The following EGF variants were observed in gnomAD, a reference collection of about 807,000 sequenced individuals.
EGF encodes epidermal growth factor.
A neutral mutation model predicts 143.8 loss-of-function variants in EGF; 95 were observed. That is an observed-to-expected ratio of 0.66 (90% CI 0.56 to 0.78). EGF has a LOEUF of 0.78. Among genes scored for constraint, EGF ranks in the 30% least tolerant of loss-of-function variants. The pLI, the probability that EGF is intolerant of heterozygous loss-of-function variation, is 0.00. For synonymous variants in EGF, 510 were observed against 510.5 expected (o/e 1.00, Z 0.01); for missense variants, 1,320 against 1,470.9 (o/e 0.90, Z 1.68).
At position 109,976,050 on chromosome 4, in the gene EGF, T is replaced by C. The variant is rs1186078885; in HGVS notation, c.1868T>C (p.Ile623Thr). The change falls in exon 13 of 24, where the codon ATT (isoleucine) becomes ACT (threonine). Residue 623 changes from isoleucine (I) to threonine (T), a missense_variant. By Grantham distance (89) the Ile-to-Thr change is moderately conservative. This residue lies in a region of EGF where 1,186 missense variants were observed against 1,313.7 expected (regional missense o/e 0.90). Coordinates refer to ENST00000265171, the MANE Select transcript of EGF (RefSeq NM_001963.6). Reference sequence around the variant, plus strand: ...ACTGATACAGGGATTAATCCACGAATTGAAAGTTCTTCCCTCCAAGGCCTT... The same window carrying C: ...ACTGATACAGGGATTAATCCACGAACTGAAAGTTCTTCCCTCCAAGGCCTT... Reference protein sequence around the residue: ...FWTDTGINPRIESSSLQGLGR... With the variant: ...FWTDTGINPRTESSSLQGLGR... 6.2e-7 allele frequency: 1 copy of C among 1,613,994 alleles called. No individual in the cohort carries two copies. Among genetic ancestry groups the C allele is most frequent in the Non-Finnish European group, 8.5e-7 (1 of 1,179,860 alleles).
intron 1 of EGF, among the ~76,000 whole-genome samples, chr4:109,932,834 T>A (rs1306511429): frequency 6.6e-6 from 1 of 152,174 alleles, no homozygotes; most frequent in Admixed American, 6.6e-5. Context: ...TAAATCTAGA[T>A]GTCCATGGTA....
At chr4:109,932,965 C>G (rs1174687372) in intron 1 of EGF, among the ~76,000 whole-genome samples, 3 of 152,160 alleles carry the variant, frequency 2.0e-5, no homozygotes, top group Non-Finnish European at 2.9e-5. Flanking sequence ...TACCAATGTT[C>G]CAGTCCCTGG....
intron 2 of EGF, 94 bp downstream of exon 2, chr4:109,941,239 A>G (rs1579535708): frequency 6.8e-6 from 8 of 1,178,528 alleles, no homozygotes; most frequent in Non-Finnish European, 9.8e-6. Flanking sequence ...AATGAAAATT[A>G]TATAACAGTT....
intron 19 of EGF, among the ~76,000 whole-genome samples, chr4:109,994,191 C>T (rs1476528194): frequency 6.6e-6 from 1 of 152,130 alleles, no homozygotes; most frequent in East Asian, 1.9e-4. Context: ...TTGGCATGCC[C>T]TCTGTTACGG....
chr4:109,960,830 A>T (rs1357423856), intron 6 of EGF, 37 bp from the exon 7 acceptor site: 1 of 1,612,874 alleles, frequency 6.2e-7, no homozygotes, highest in Non-Finnish European at 8.5e-7. Flanking sequence ...TTTCAAAAAT[A>T]GCCATTTGAA....
rs1441542060 is a variant in EGF at position 109,982,123 on chromosome 4, TTTATTTAAA to T, written c.2371+1154_2371+1162del. The stretch of plus-strand genomic sequence containing the variant: ...CTAATTTATTTTTATTTTTATTTAA[TTTATTTAAA>T]TTATTAATTATTAATGTATTTAAAT... On this transcript the variant is annotated intron_variant, in intron 15 of 23. Coordinates refer to ENST00000265171, the MANE Select transcript of EGF (RefSeq NM_001963.6). Among the ~76,000 whole-genome samples the T allele has an allele frequency of 7.3e-5, 11 of 150,534 alleles. No individual in the cohort carries two copies. In the South Asian group the frequency reaches 8.3e-4, roughly 11 times the overall value.
intron 10 of EGF, chr4:109,968,760 C>T: frequency 1.8e-6 from 1 of 558,336 alleles, no homozygotes; most frequent in South Asian, 2.0e-5. Flanking sequence ...CCTTATTTTA[C>T]CGATGAGGAA....
intron 1 of EGF, among the ~76,000 whole-genome samples, chr4:109,923,553 T>C (rs943963857): frequency 2.0e-5 from 3 of 151,512 alleles, no homozygotes; most frequent in Non-Finnish European, 4.4e-5. Flanking sequence ...TAGTGTCACT[T>C]AGGGGGAAGT....
At chr4:109,958,121 A>G (rs1041393425) in intron 5 of EGF, among the ~76,000 whole-genome samples, 1 of 152,230 alleles carries the variant, frequency 6.6e-6, no homozygotes, top group African/African-American at 2.4e-5. Context: ...GTGTATTTGT[A>G]TATAACCTAG....
At chr4:109,969,486 G>A (rs1747220043) in intron 11 of EGF, among the ~76,000 whole-genome samples, 1 of 152,082 alleles carries the variant, frequency 6.6e-6, no homozygotes, top group Admixed American at 6.6e-5. Flanking sequence ...ATAGCTTTAG[G>A]AGAAATACCT....
intron 1 of EGF, among the ~76,000 whole-genome samples, chr4:109,939,690 T>C (rs1741580971): frequency 6.6e-6 from 1 of 152,228 alleles, no homozygotes; most frequent in Non-Finnish European, 1.5e-5. Context: ...AACCCTCTTG[T>C]AGCTTTAATT....
At position 109,933,747 on chromosome 4, in the gene EGF, T is replaced by C. The variant is rs187633572; in HGVS notation, c.128-7199T>C. On this transcript the variant is annotated intron_variant, in intron 1 of 23. Transcript: ENST00000265171. ...TTCAACCATGTCCCTGCAAAGGACATGAACTCATCCTTTTTTATGGCGGCA... is the reference window on the plus strand; with the variant it reads ...TTCAACCATGTCCCTGCAAAGGACACGAACTCATCCTTTTTTATGGCGGCA... Among the ~76,000 whole-genome samples, 37 of 152,346 alleles carry C rather than the reference T, an allele frequency of 2.4e-4. 1 individual carries two copies. The highest frequency in any genetic ancestry group is 8.7e-4 in the African/African-American group (36 of 41,588).
chr4:109,952,137 T>C (rs1449676622), intron 5 of EGF, among the ~76,000 whole-genome samples: 1 of 152,214 alleles, frequency 6.6e-6, no homozygotes, highest in Non-Finnish European at 1.5e-5. Flanking sequence ...TCAGAAATAG[T>C]GTGGGAACAT....
At chr4:109,920,062 T>C (rs904246665) in intron 1 of EGF, among the ~76,000 whole-genome samples, 4 of 151,664 alleles carry the variant, frequency 2.6e-5, no homozygotes, top group Admixed American at 6.6e-5. Flanking sequence ...AACAAATTCA[T>C]ATAGATGAAT....
At chr4:109,918,328 T>C (rs915014578) in intron 1 of EGF, among the ~76,000 whole-genome samples, 3 of 151,312 alleles carry the variant, frequency 2.0e-5, no homozygotes, top group South Asian at 2.1e-4. Context: ...GAGTGTGTAA[T>C]GGTAGAAACA....
chr4:109,965,650 G>C (rs1000542710), intron 10 of EGF, among the ~76,000 whole-genome samples: 1 of 151,934 alleles, frequency 6.6e-6, no homozygotes, highest in Non-Finnish European at 1.5e-5. Flanking sequence ...TTGTTTCTTG[G>C]GTTAATTTTC....
intron 5 of EGF, among the ~76,000 whole-genome samples, chr4:109,949,392 A>G (rs1164328558): frequency 6.6e-6 from 1 of 152,140 alleles, no homozygotes; most frequent in African/African-American, 2.4e-5. Flanking sequence ...TATGGGATTT[A>G]ATGAGGTTAC....
intron 10 of EGF, among the ~76,000 whole-genome samples, chr4:109,967,947 T>C (rs1466650513): frequency 1.3e-5 from 2 of 152,216 alleles, no homozygotes; most frequent in South Asian, 2.1e-4. Context: ...GCACTTACCA[T>C]GAATGAAACT....
At chr4:109,975,045 A>G (rs1748269011) in intron 12 of EGF, among the ~76,000 whole-genome samples, 1 of 152,242 alleles carries the variant, frequency 6.6e-6, no homozygotes, top group Non-Finnish European at 1.5e-5. Context: ...ACTGTAATTC[A>G]TTAACCAACT....
Sources: allele counts gnomAD v4.1 joint callset (sites outside exome capture counted in the v4.1 genomes callset), GRCh38; gene constraint gnomAD v4.1.1; regional missense constraint gnomAD v4.1.1; transcripts MANE v1.5; gene names NCBI Gene and HGNC (gene_info 2026-07-23, HGNC 2026-07-21).